Variants in NPAS2 observed in about 807,000 individuals in gnomAD.
NPAS2 encodes the protein neuronal PAS domain protein 2.
Under a neutral mutation model 107.5 loss-of-function variants are expected in NPAS2, and 23 were observed. That is an observed-to-expected ratio of 0.21 (90% CI 0.15 to 0.30). The LOEUF (loss-of-function observed/expected upper bound fraction) is 0.30. Among genes scored for constraint, NPAS2 ranks in the 10% least tolerant of loss-of-function variants. The pLI, the probability that NPAS2 is intolerant of heterozygous loss-of-function variation, is 1.00. For synonymous variants in NPAS2, 403 were observed against 417.5 expected, an observed-to-expected ratio of 0.97 and a Z score of 0.42; for missense variants, 756 against 1,043.3, an observed-to-expected ratio of 0.72 and a Z score of 3.79.
chr2:100,906,762 G>A (rs1424046148), intron 2 of NPAS2, among the ~76,000 whole-genome samples: 1 of 152,206 alleles, frequency 6.6e-6, no homozygotes, highest in African/African-American at 2.4e-5. Flanking sequence ...GGTGCCCACA[G>A]TACTGAGCTA....
intron 15 of NPAS2, 45 bp downstream of exon 15, chr2:100,977,844 G>A: frequency 6.6e-7 from 1 of 1,520,776 alleles, no homozygotes; most frequent in Non-Finnish European, 9.1e-7. Context: ...CAAGCCAGAA[G>A]TCCGCAGTGT....
At chr2:100,964,804 C>A (rs1676115264) in intron 8 of NPAS2, 57 bp from the exon 9 acceptor site, 6 of 1,074,214 alleles carry the variant, frequency 5.6e-6, no homozygotes, top group Non-Finnish European at 8.3e-6. Context: ...TTGAACAAAC[C>A]TAGGGTGAGC....
intron 6 of NPAS2, among the ~76,000 whole-genome samples, chr2:100,948,758 A>G (rs1197828444): frequency 6.6e-6 from 1 of 152,242 alleles, no homozygotes; most frequent in Admixed American, 6.5e-5. Flanking sequence ...AATTAGGTCA[A>G]AAATCCAAAT....
At chr2:100,905,026 T>A (rs1037770201) in intron 2 of NPAS2, among the ~76,000 whole-genome samples, 1 of 152,190 alleles carries the variant, frequency 6.6e-6, no homozygotes, top group African/African-American at 2.4e-5. Context: ...GTCTGGGTTT[T>A]TGTCATGCTC....
At chr2:100,864,076 A>G (rs773541653) in intron 1 of NPAS2, among the ~76,000 whole-genome samples, 1 of 152,234 alleles carries the variant, frequency 6.6e-6, no homozygotes, top group Non-Finnish European at 1.5e-5. Context: ...ATGTGTAGTG[A>G]GCTATCAGTA....
chr2:100,977,221 A>G, intron 14 of NPAS2: 1 of 170,802 alleles, frequency 5.9e-6, no homozygotes, highest in South Asian at 1.6e-4. Context: ...CCCAGTCCTC[A>G]CTGCCTGGAT....
intron 1 of NPAS2, among the ~76,000 whole-genome samples, chr2:100,890,140 C>T (rs1680958405): frequency 6.6e-6 from 1 of 152,204 alleles, no homozygotes; most frequent in African/African-American, 2.4e-5. Flanking sequence ...TAGTGTGACA[C>T]ACCAGGATGA....
At chr2:100,959,967 T>C (rs1675824767) in intron 7 of NPAS2, among the ~76,000 whole-genome samples, 1 of 152,166 alleles carries the variant, frequency 6.6e-6, no homozygotes, top group South Asian at 2.1e-4. Context: ...CCTTGCTCCT[T>C]CCTGAGCCCT....
chr2:100,874,822 G>A lies in NPAS2; in HGVS notation c.-22-29911G>A, dbSNP rs186826133. ...CCCTGCAAAATGTGGCCAAGGCAGA[G>A]AATGCCCAGAACCCGGGGCCGTTTC... On this transcript the variant is annotated intron_variant, in intron 1 of 20. Coordinates refer to ENST00000335681, the MANE Select transcript of NPAS2 (RefSeq NM_002518.4). 4.9e-3 allele frequency among the ~76,000 whole-genome samples: 745 copies of A among 152,262 alleles called. 9 individuals carry two copies. Among genetic ancestry groups the A allele is most frequent in the African/African-American group, 0.017 (717 of 41,552 alleles).
At position 100,893,667 on chromosome 2, in the gene NPAS2, A is replaced by C. The variant is rs181675627; in HGVS notation, c.-22-11066A>C. 6.2e-3 allele frequency among the ~76,000 whole-genome samples: 946 copies of C among 152,370 alleles called. 5 individuals are homozygous for C. Among genetic ancestry groups the C allele is most frequent in the South Asian group, 0.023 (112 of 4,832 alleles). On this transcript the variant is annotated intron_variant, in intron 1 of 20. Transcript: ENST00000335681. ...TAAAAGACACTGAAGAGGAAAGTTTAGTCATGATTCCAGTGATTCTTTAAC... is the reference window on the plus strand; with the variant it reads ...TAAAAGACACTGAAGAGGAAAGTTTCGTCATGATTCCAGTGATTCTTTAAC...
chr2:100,909,519 T>C (rs1163557683), intron 2 of NPAS2, among the ~76,000 whole-genome samples: 4 of 152,202 alleles, frequency 2.6e-5, no homozygotes, highest in African/African-American at 9.6e-5. Context: ...TCCAGCCCCA[T>C]GCACACTTGC....
At chr2:100,860,586 C>T (rs1678877239) in intron 1 of NPAS2, among the ~76,000 whole-genome samples, 1 of 152,188 alleles carries the variant, frequency 6.6e-6, no homozygotes, top group Non-Finnish European at 1.5e-5. Flanking sequence ...ATCCTCCCTT[C>T]TACGTGTGTT....
chr2:100,907,156 A>T (rs993813157), intron 2 of NPAS2, among the ~76,000 whole-genome samples: 5 of 152,140 alleles, frequency 3.3e-5, no homozygotes, highest in Admixed American at 6.6e-5. Flanking sequence ...GCTTACCTCT[A>T]AATCAGGAAG....
At chr2:100,985,341 C>T (rs1677720514) in intron 16 of NPAS2, 2 of 153,000 alleles carry the variant, frequency 1.3e-5, no homozygotes, top group Admixed American at 1.3e-4. Context: ...TTCCATCCAT[C>T]CTTTAGTCCA....
chr2:100,974,851 G>T lies in NPAS2; in HGVS notation c.1189G>T (p.Val397Leu), dbSNP rs768549054. 1.1e-5 allele frequency: 18 copies of T among 1,613,986 alleles called. No homozygotes were observed. Among genetic ancestry groups the T allele is most frequent in the Non-Finnish European group, 1.4e-5 (17 of 1,179,976 alleles). ...EPRQHFNTLD[V>L]GASGLNTSHS... is the part of the protein sequence containing the mutation. ...TCGGCAGCACTTTAACACACTCGAC[G>T]TGGGTGCCTCGGGCCTTAATACCAG... The change falls in exon 13 of 21, where the codon GTG becomes TTG. Residue 397 changes from valine (V) to leucine (L), a missense_variant. Around this residue, in one of 4 missense-constraint regions of NPAS2, gnomAD observed 496 missense variants for 594.4 expected, o/e 0.83. Transcript: ENST00000335681.
chr2:100,840,238 T>C (rs986750081), intron 1 of NPAS2, among the ~76,000 whole-genome samples: 1 of 152,202 alleles, frequency 6.6e-6, no homozygotes, highest in Admixed American at 6.5e-5. Context: ...GACTCCTGCA[T>C]GTCTGTTACA....
intron 7 of NPAS2, among the ~76,000 whole-genome samples, chr2:100,952,759 CTT>C (rs779617503): frequency 1.1e-4 from 15 of 137,402 alleles, no homozygotes; most frequent in Non-Finnish European, 7.9e-5. Flanking sequence ...ATACCTGGGA[CTT>C]TTTTTTTTTT....
At chr2:100,955,434 G>A (rs1428618418) in intron 7 of NPAS2, among the ~76,000 whole-genome samples, 2 of 152,150 alleles carry the variant, frequency 1.3e-5, no homozygotes, top group Admixed American at 1.3e-4. Context: ...TTGGCCCCGG[G>A]ACACAGCTGG....
intron 11 of NPAS2, among the ~76,000 whole-genome samples, chr2:100,970,425 G>A (rs973790500): frequency 1.3e-5 from 2 of 152,224 alleles, no homozygotes; most frequent in African/African-American, 4.8e-5. Flanking sequence ...TCCACACTCG[G>A]GGCAGAGGCA....
Sources: gnomAD v4.1 joint callset for allele counts (sites outside exome capture counted in the v4.1 genomes callset) on GRCh38, gnomAD v4.1.1 for gene constraint, gnomAD v4.1.1 regional missense constraint, MANE v1.5 for transcripts, NCBI Gene and HGNC (gene_info 2026-07-23, HGNC 2026-07-21) for gene names.